The following FLRT2 variants were observed in gnomAD, a reference collection of about 807,000 sequenced individuals.
FLRT2 encodes leucine-rich repeat transmembrane protein FLRT2.
A neutral mutation model predicts 40.0 loss-of-function variants in FLRT2; 15 were observed. The observed-to-expected ratio is 0.38, with a 90% confidence interval of 0.25 to 0.58. The LOEUF is 0.58. FLRT2 is among the 20% of genes least tolerant of loss of function. The probability of loss-of-function intolerance (pLI) is 0.71; values close to 1 mark genes in which losing one functional copy is unlikely to be tolerated. For missense variants in FLRT2, 726 were observed against 840.0 expected (o/e 0.86, Z 1.68); for synonymous variants, 380 against 336.8 (o/e 1.13, Z -1.41).
At chr14:85,578,775 C>CA (rs1891249588) in intron 1 of FLRT2, among the ~76,000 whole-genome samples, 2 of 151,854 alleles carry the variant, frequency 1.3e-5, no homozygotes, top group Non-Finnish European at 1.5e-5. Flanking sequence ...AATGCACACA[C>CA]AAAAAAATCA....
Position 85,621,801 on chromosome 14 carries a change from A to G in FLRT2, c.287A>G (p.Tyr96Cys), listed in dbSNP as rs1893398139. 1 of 1,614,064 alleles carries G rather than the reference A, an allele frequency of 6.2e-7. No homozygotes were observed. The highest frequency in any genetic ancestry group is 1.3e-5 in the African/African-American group (1 of 74,928). Residue 96 changes from tyrosine (Y) to cysteine (C), a missense_variant, in exon 2 of 2, where the codon TAT (tyrosine) becomes TGT (cysteine). Physicochemically the swap from Tyr to Cys is radical, Grantham distance 194. Coordinates refer to ENST00000330753, the MANE Select transcript of FLRT2 (RefSeq NM_013231.6). ...NVQSVHTVYLYGNQLDEFPMN... is the reference protein window; with the variant it reads ...NVQSVHTVYLCGNQLDEFPMN... ...CAGTCGGTGCACACGGTCTACCTGT[A>G]TGGCAACCAACTGGACGAATTCCCC...
chr14:85,593,677 G>A (rs1414474639), intron 1 of FLRT2, among the ~76,000 whole-genome samples: 5 of 152,206 alleles, frequency 3.3e-5, no homozygotes, highest in Admixed American at 1.3e-4. Flanking sequence ...CATTGTTCGT[G>A]TGACAGTTAC....
intron 1 of FLRT2, among the ~76,000 whole-genome samples, chr14:85,610,692 T>C (rs774318336): frequency 3.3e-5 from 5 of 152,128 alleles, no homozygotes; most frequent in Non-Finnish European, 5.9e-5. Flanking sequence ...TCTCTTCTCC[T>C]GAGCACCATC....
intron 1 of FLRT2, among the ~76,000 whole-genome samples, chr14:85,571,575 C>T (rs1224916579): frequency 6.6e-6 from 1 of 152,106 alleles, no homozygotes; most frequent in Non-Finnish European, 1.5e-5. Flanking sequence ...CATTGTTAGT[C>T]CAGTACTGAA....
intron 1 of FLRT2, among the ~76,000 whole-genome samples, chr14:85,606,950 T>C (rs990876542): frequency 6.6e-6 from 1 of 151,806 alleles, no homozygotes; most frequent in Non-Finnish European, 1.5e-5. Context: ...ATTTTTTTTT[T>C]TCTAAAGATT....
At chr14:85,592,800 A>AAAAAAG (rs1891956545) in intron 1 of FLRT2, among the ~76,000 whole-genome samples, 1 of 121,650 alleles carries the variant, frequency 8.2e-6, no homozygotes, top group Admixed American at 7.5e-5. Context: ...AAAAAAAAAA[A>AAAAAAG]AAAAAAAGAA....
chr14:85,577,438 G>GTC, intron 1 of FLRT2, among the ~76,000 whole-genome samples: 1 of 152,120 alleles, frequency 6.6e-6, no homozygotes, highest in Non-Finnish European at 1.5e-5. Flanking sequence ...CACTGCTGCT[G>GTC]TCTCTAAAAG....
chr14:85,603,597 C>T (rs920306251), intron 1 of FLRT2, among the ~76,000 whole-genome samples: 5 of 152,070 alleles, frequency 3.3e-5, no homozygotes, highest in African/African-American at 7.2e-5. Flanking sequence ...AGACCAGGCA[C>T]GGTGGCTCAC....
At chr14:85,608,378 A>G (rs1892720054) in intron 1 of FLRT2, among the ~76,000 whole-genome samples, 1 of 151,862 alleles carries the variant, frequency 6.6e-6, no homozygotes, top group African/African-American at 2.4e-5. Context: ...TGCAAGAGCG[A>G]GCCTGCCACC....
chr14:85,572,562 G>A (rs1256352101), intron 1 of FLRT2, among the ~76,000 whole-genome samples: 1 of 152,146 alleles, frequency 6.6e-6, no homozygotes, highest in African/African-American at 2.4e-5. Context: ...CTGATTATAA[G>A]ACAGTTATGT....
intron 1 of FLRT2, among the ~76,000 whole-genome samples, chr14:85,574,234 ATAT>A (rs1235835278): frequency 1.3e-5 from 2 of 151,386 alleles, no homozygotes; most frequent in Non-Finnish European, 2.9e-5. Flanking sequence ...ATAAATGATA[ATAT>A]TTTATATATA....
intron 1 of FLRT2, among the ~76,000 whole-genome samples, chr14:85,557,207 C>A (rs1379969278): frequency 3.3e-5 from 5 of 151,708 alleles, no homozygotes; most frequent in Non-Finnish European, 5.9e-5. Flanking sequence ...ACACAGAGAC[C>A]CTCTTACTAA....
In FLRT2 at chr14:85,622,501, T is replaced by C; in HGVS notation, c.987T>C (p.Pro329=). The C allele has an allele frequency of 6.2e-7, 1 of 1,614,098 alleles. No individual in the cohort carries two copies. Among genetic ancestry groups the C allele is most frequent in the Non-Finnish European group, 8.5e-7 (1 of 1,180,034 alleles). ...TCACAGAATGGCTCAAATATATCCCTTCATCTCTCAACGTGCGGGGTTTCA... is the reference window on the plus strand; with the variant it reads ...TCACAGAATGGCTCAAATATATCCCCTCATCTCTCAACGTGCGGGGTTTCA... The part of the protein sequence containing the change: ...KWVTEWLKYI[P]SSLNVRGFMC... The change falls in exon 2 of 2, where the codon CCT becomes CCC. Residue 329 remains proline, a synonymous_variant. Coordinates refer to ENST00000330753, the MANE Select transcript of FLRT2 (RefSeq NM_013231.6).
At chr14:85,589,721 T>G (rs916005031) in intron 1 of FLRT2, among the ~76,000 whole-genome samples, 2 of 152,186 alleles carry the variant, frequency 1.3e-5, no homozygotes, top group Non-Finnish European at 2.9e-5. Context: ...TAGGTTTTCT[T>G]ATGGTAGTTT....
At chr14:85,564,057 G>A (rs1595029903) in intron 1 of FLRT2, among the ~76,000 whole-genome samples, 1 of 152,266 alleles carries the variant, frequency 6.6e-6, no homozygotes, top group East Asian at 1.9e-4. Context: ...CTACATAGAT[G>A]AACTTATTAA....
At chr14:85,578,477 C>A (rs1257581995) in intron 1 of FLRT2, among the ~76,000 whole-genome samples, 1 of 151,878 alleles carries the variant, frequency 6.6e-6, no homozygotes, top group Non-Finnish European at 1.5e-5. Flanking sequence ...ACAATGGTAA[C>A]TGATGGGTGA....
chr14:85,622,995 T>C lies in FLRT2; in HGVS notation c.1481T>C (p.Val494Ala), dbSNP rs1477306954. 2 of 1,614,210 alleles carry C rather than the reference T, an allele frequency of 1.2e-6. No individual in the cohort carries two copies. The highest frequency in any genetic ancestry group is 3.3e-5 in the Admixed American group (2 of 60,036). The change falls in exon 2 of 2, where the codon GTG becomes GCG. Residue 494 changes from valine (V) to alanine (A), a missense_variant. Around this residue, in one of 3 missense-constraint regions of FLRT2, gnomAD observed 611 missense variants for 690.0 expected, o/e 0.89. Coordinates refer to ENST00000330753, the MANE Select transcript of FLRT2 (RefSeq NM_013231.6). ...CGATCCACCTATCGGATTTGTTTAG[T>C]GCCACTGGATGCTTTTAACTACCGC... ...EPRSTYRICL[V>A]PLDAFNYRAV... is the part of the protein sequence containing the mutation.
At chr14:85,568,212 G>C (rs540202371) in intron 1 of FLRT2, among the ~76,000 whole-genome samples, 3 of 151,848 alleles carry the variant, frequency 2.0e-5, no homozygotes, top group East Asian at 3.9e-4. Flanking sequence ...TTGCTGATCT[G>C]CGGGGGGATG....
chr14:85,597,732 C>A (rs1318444023), intron 1 of FLRT2, among the ~76,000 whole-genome samples: 1 of 152,146 alleles, frequency 6.6e-6, no homozygotes, highest in Non-Finnish European at 1.5e-5. Context: ...AAGGATGCGG[C>A]CAACTTTAAG....
Sources: gnomAD v4.1 joint callset for allele counts (sites outside exome capture counted in the v4.1 genomes callset) on GRCh38, gnomAD v4.1.1 for gene constraint, gnomAD v4.1.1 regional missense constraint, MANE v1.5 for transcripts, NCBI Gene and HGNC (gene_info 2026-07-23, HGNC 2026-07-21) for gene names.